The following AKAP13 variants were observed in gnomAD, a reference collection of about 807,000 sequenced individuals.
AKAP13 encodes the protein A-kinase anchoring protein 13, also known as A-kinase anchor protein 13.
AKAP13 carries 80 observed loss-of-function variants against 264.5 expected under a neutral mutation model. The observed-to-expected ratio is 0.30, with a 90% CI of 0.25 to 0.36. The LOEUF is 0.36. Ranked by LOEUF, AKAP13 falls within the 10% of genes least tolerant of loss-of-function variation. The pLI is 1.00. For missense variants in AKAP13, 3,712 were observed against 3,435.2 expected (o/e 1.08, Z -2.01); for synonymous variants, 1,380 against 1,250.2 (o/e 1.10, Z -2.19).
At chr15:85,465,033 T>C (rs7402156) in intron 1 of AKAP13, among the ~76,000 whole-genome samples, 81,722 of 151,548 alleles carry the variant, frequency 0.54, 22,729 homozygotes, top group Admixed American at 0.64. Context: ...CTCCGCCTCC[T>C]GGGTTCATGC....
chr15:85,744,666 A>C lies in AKAP13; in HGVS notation c.8431A>C (p.Ile2811Leu), dbSNP rs757547763. 6.2e-7 allele frequency: 1 copy of C among 1,609,996 alleles called. No homozygotes were observed. Among genetic ancestry groups the C allele is most frequent in the South Asian group, 1.1e-5 (1 of 90,464 alleles). Reference sequence around the variant, plus strand: ...AGAAGTATCAGCAGAGGGTGAAGAGATCTTCTGCTGACCCTCTTCCTCTCT... The same window carrying C: ...AGAAGTATCAGCAGAGGGTGAAGAGCTCTTCTGCTGACCCTCTTCCTCTCT... ...ASEVSAEGEEIFC is the reference protein window; with the variant it reads ...ASEVSAEGEELFC The change falls in exon 37 of 37, where the codon ATC becomes CTC. Residue 2811 changes from isoleucine to leucine, a missense_variant. By Grantham distance (5) the Ile-to-Leu change is conservative. This residue lies in a region of AKAP13 where 611 missense variants were observed against 539.3 expected (regional missense o/e 1.13). Transcript: ENST00000394518.
rs1190276401 is a variant in AKAP13, at chr15:85,717,434, C to T, written c.5848+32C>T. 2.7e-6 allele frequency: 4 copies of T among 1,455,602 alleles called. No individual in the cohort carries two copies. The East Asian group carries it at 6.9e-5, about 25-fold the overall frequency. The allele number at this position is 1,455,602 out of a possible 1,614,324, so 90.2% of individuals were successfully genotyped here. On this transcript the variant is annotated intron_variant, in intron 21 of 36. Transcript: ENST00000394518. The stretch of plus-strand genomic sequence containing the variant: ...GGAAGTTATGGCCTTTATTTTATGC[C>T]TCTGTAGGGACTGTGTGTGTGTCAT...
chr15:85,448,783 G>T (rs2073984724), intron 1 of AKAP13, among the ~76,000 whole-genome samples: 1 of 149,056 alleles, frequency 6.7e-6, no homozygotes, highest in Non-Finnish European at 1.5e-5. Context: ...AGTATAGTTT[G>T]AAATTGAGTA....
intron 8 of AKAP13, among the ~76,000 whole-genome samples, chr15:85,606,090 CTTTTTTTTTTTTTTT>C (rs369008646): frequency 0.33 from 29,127 of 88,984 alleles, 4,443 homozygotes; most frequent in Middle Eastern, 0.57. Context: ...GTTTGATCTA[CTTTTTTTTTTTTTTT>C]TTTTTTTTTT....
rs962767915 is a variant in AKAP13, at chr15:85,663,128, G to A, written c.4800-1435G>A. Among the ~76,000 whole-genome samples, 7 of 152,204 alleles carry A rather than the reference G, an allele frequency of 4.6e-5. No individual in the cohort carries two copies. The East Asian group carries it at 5.8e-4, about 13-fold the overall frequency. On this transcript the variant is annotated intron_variant, in intron 12 of 36. Coordinates refer to ENST00000394518, the MANE Select transcript of AKAP13 (RefSeq NM_007200.5). ...CATTGGAGACCAGCCTGAAAAACGTGGTGAAACCCCATCTCTACTAAAAAT... is the reference window on the plus strand; with the variant it reads ...CATTGGAGACCAGCCTGAAAAACGTAGTGAAACCCCATCTCTACTAAAAAT...
chr15:85,383,914 A>G (rs2070419752), intron 1 of AKAP13, among the ~76,000 whole-genome samples: 1 of 152,260 alleles, frequency 6.6e-6, no homozygotes, highest in Non-Finnish European at 1.5e-5. Flanking sequence ...GTACAGAGAC[A>G]TGAGCAAATC....
In AKAP13 at chr15:85,579,915, C is replaced by T. The variant is rs773228617; in HGVS notation, c.1847C>T (p.Ser616Leu). 17 of 1,614,082 alleles carry T rather than the reference C, an allele frequency of 1.1e-5. No homozygotes were observed. The highest frequency in any genetic ancestry group is 1.2e-5 in the Non-Finnish European group (14 of 1,180,050). The stretch of plus-strand genomic sequence containing the variant: ...GCAGCAGGCATAGGTGAGGCAATGT[C>T]ACCCTCAGATTTAGCCCTTCTTGGG... ...LLAAGIGEAM[S>L]PSDLALLGLE... The change falls in exon 7 of 37, where the codon TCA becomes TTA. Residue 616 changes from serine to leucine, a missense_variant. Around this residue, in one of 3 missense-constraint regions of AKAP13, gnomAD observed 2,759 missense variants for 2,411.7 expected, o/e 1.14. Transcript: ENST00000394518.
At chr15:85,582,729 G>A (rs1047914379) in intron 7 of AKAP13, among the ~76,000 whole-genome samples, 6 of 151,960 alleles carry the variant, frequency 3.9e-5, no homozygotes, top group African/African-American at 1.5e-4. Context: ...CCTGCTTGGG[G>A]AGTGGACCTC....
chr15:85,596,403 C>T (rs893427970), intron 8 of AKAP13, among the ~76,000 whole-genome samples: 5 of 152,074 alleles, frequency 3.3e-5, no homozygotes, highest in East Asian at 1.9e-4. Context: ...CCTAGGAGTT[C>T]GCAACCAGCC....
chr15:85,604,648 G>C (rs1000795071), intron 8 of AKAP13, among the ~76,000 whole-genome samples: 1 of 152,008 alleles, frequency 6.6e-6, no homozygotes, highest in Admixed American at 6.5e-5. Flanking sequence ...ATTTTTAGTA[G>C]AGATGAGGTT....
chr15:85,517,931 A>T (rs1348985506), intron 2 of AKAP13, among the ~76,000 whole-genome samples: 1 of 152,222 alleles, frequency 6.6e-6, no homozygotes, highest in African/African-American at 2.4e-5. Flanking sequence ...TTAAGTTCAG[A>T]TTATTGGAAG....
At chr15:85,501,245 G>A (rs1017822492) in intron 2 of AKAP13, among the ~76,000 whole-genome samples, 11 of 152,174 alleles carry the variant, frequency 7.2e-5, no homozygotes, top group Admixed American at 7.2e-4. Flanking sequence ...TACAACTGTG[G>A]GTATTTCTTA....
chr15:85,744,288 A>T (rs985425683), intron 36 of AKAP13: 14 of 315,642 alleles, frequency 4.4e-5, no homozygotes, highest in African/African-American at 3.1e-4. Context: ...AATTCCACTA[A>T]ATGCCTCCCT....
At chr15:85,551,764 C>T (rs1195248600) in intron 5 of AKAP13, among the ~76,000 whole-genome samples, 1 of 152,208 alleles carries the variant, frequency 6.6e-6, no homozygotes, top group Non-Finnish European at 1.5e-5. Context: ...TCTGACTTCA[C>T]TTCAGGCTTA....
At chr15:85,625,935 T>A (rs1249673203) in intron 8 of AKAP13, among the ~76,000 whole-genome samples, 1 of 152,178 alleles carries the variant, frequency 6.6e-6, no homozygotes, top group Non-Finnish European at 1.5e-5. Context: ...AGGGGGGAGA[T>A]GTTTTGTAAT....
intron 8 of AKAP13, among the ~76,000 whole-genome samples, chr15:85,628,056 G>A (rs1198231587): frequency 2.0e-5 from 3 of 152,110 alleles, no homozygotes; most frequent in African/African-American, 7.2e-5. Context: ...TGTACCTATT[G>A]TATTACACAA....
intron 12 of AKAP13, among the ~76,000 whole-genome samples, chr15:85,661,909 A>G (rs996366347): frequency 6.6e-5 from 10 of 151,898 alleles, no homozygotes; most frequent in African/African-American, 2.2e-4. Flanking sequence ...CATGAAAAAA[A>G]AAAAAAAAAA....
chr15:85,540,786 A>T (rs2077558754), intron 4 of AKAP13, among the ~76,000 whole-genome samples: 3 of 152,238 alleles, frequency 2.0e-5, no homozygotes, highest in Admixed American at 6.5e-5. Context: ...CCTGAATCAA[A>T]TAAAAATGTG....
At chr15:85,655,814 G>A in intron 11 of AKAP13, 27 bp downstream of exon 11, 2 of 1,576,376 alleles carry the variant, frequency 1.3e-6, no homozygotes, top group East Asian at 2.3e-5. Context: ...TTTGTTTAGT[G>A]TCTCAGTGTC....
Sources: gnomAD v4.1 joint callset for allele counts (sites outside exome capture counted in the v4.1 genomes callset) on GRCh38, gnomAD v4.1.1 for gene constraint, gnomAD v4.1.1 regional missense constraint, MANE v1.5 for transcripts, NCBI Gene and HGNC (gene_info 2026-07-23, HGNC 2026-07-21) for gene names.